PPP2R3A: variants seen among roughly 807,000 people sequenced by gnomAD.
PPP2R3A encodes the protein serine/threonine-protein phosphatase 2A regulatory subunit B'' subunit alpha.
PPP2R3A carries 80 observed loss-of-function variants against 106.9 expected under a neutral mutation model. The observed-to-expected ratio is 0.75, with a 90% confidence interval of 0.62 to 0.90. The LOEUF (loss-of-function observed/expected upper bound fraction) is 0.90. Among genes scored for constraint, PPP2R3A ranks in the 40% least tolerant of loss-of-function variants. PPP2R3A has a pLI of 0.00. For missense variants in PPP2R3A, 1,386 were observed against 1,350.4 expected, an observed-to-expected ratio of 1.03 and a Z score of -0.41; for synonymous variants, 483 against 468.3, an observed-to-expected ratio of 1.03 and a Z score of -0.41.
chr3:136,134,715 A>C (rs923975347), intron 13 of PPP2R3A, among the ~76,000 whole-genome samples: 3 of 152,180 alleles, frequency 2.0e-5, no homozygotes, highest in African/African-American at 7.2e-5. Flanking sequence ...TCATGTAATG[A>C]GCGTGTACTG....
intron 13 of PPP2R3A, among the ~76,000 whole-genome samples, chr3:136,137,895 G>T (rs940375554): frequency 1.3e-5 from 2 of 152,110 alleles, no homozygotes; most frequent in Non-Finnish European, 2.9e-5. Context: ...GGCACTATAG[G>T]TAAAGAAAGC....
At chr3:136,061,076 T>G (rs998943484) in intron 5 of PPP2R3A, among the ~76,000 whole-genome samples, 11 of 152,148 alleles carry the variant, frequency 7.2e-5, no homozygotes, top group African/African-American at 2.6e-4. Context: ...AGAATGCTGA[T>G]ACAAGAAAAA....
chr3:136,070,152 G>A (rs983791245), intron 5 of PPP2R3A, among the ~76,000 whole-genome samples: 2 of 152,018 alleles, frequency 1.3e-5, no homozygotes, highest in South Asian at 4.1e-4. Context: ...ATAATACCTC[G>A]ACAATAATCT....
At chr3:136,042,513 T>A (rs547463505) in intron 4 of PPP2R3A, among the ~76,000 whole-genome samples, 82 of 152,310 alleles carry the variant, frequency 5.4e-4, no homozygotes, top group Non-Finnish European at 4.6e-4. Context: ...AAAATTTTTT[T>A]AAAAAGAGTG....
intron 13 of PPP2R3A, among the ~76,000 whole-genome samples, chr3:136,143,672 T>G (rs925279028): frequency 6.6e-6 from 1 of 151,736 alleles, no homozygotes; most frequent in Non-Finnish European, 1.5e-5. Flanking sequence ...TGCCTGTAAA[T>G]CCCAGCTACT....
At chr3:136,108,324 C>T (rs1460822501) in intron 13 of PPP2R3A, among the ~76,000 whole-genome samples, 1 of 151,984 alleles carries the variant, frequency 6.6e-6, no homozygotes, top group Non-Finnish European at 1.5e-5. Context: ...CAGTACAGTT[C>T]CATTAAGCAT....
At chr3:136,139,985 AAC>A (rs919520134) in intron 13 of PPP2R3A, among the ~76,000 whole-genome samples, 7 of 150,030 alleles carry the variant, frequency 4.7e-5, no homozygotes, top group Admixed American at 1.3e-4. Context: ...CAGTCTGAGC[AAC>A]AGAGCGAGAC....
chr3:136,106,692 C>T (rs1165131431), intron 13 of PPP2R3A: 4 of 191,960 alleles, frequency 2.1e-5, no homozygotes, highest in Non-Finnish European at 4.2e-5. Context: ...GAGGCCGAGG[C>T]GGGTGGATAA....
At chr3:136,021,305 C>A (rs1523595) in intron 2 of PPP2R3A, among the ~76,000 whole-genome samples, 38,534 of 151,790 alleles carry the variant, frequency 0.25, 5,359 homozygotes, top group Non-Finnish European at 0.32. Context: ...AAATAAGGAA[C>A]GACTCAGGAT....
intron 7 of PPP2R3A, among the ~76,000 whole-genome samples, chr3:136,080,203 T>C (rs185858784): frequency 5.2e-4 from 79 of 152,366 alleles, no homozygotes; most frequent in Admixed American, 9.1e-4. Context: ...TCCATTCATA[T>C]AAGTCTATCT....
At chr3:136,016,110 A>G (rs1047893937) in intron 2 of PPP2R3A, among the ~76,000 whole-genome samples, 8 of 152,184 alleles carry the variant, frequency 5.3e-5, no homozygotes, top group African/African-American at 1.7e-4. Flanking sequence ...TTTAATTTCC[A>G]TGTATTTGCA....
intron 1 of PPP2R3A, among the ~76,000 whole-genome samples, chr3:135,970,707 G>C (rs916880634): frequency 1.3e-5 from 2 of 152,208 alleles, no homozygotes; most frequent in Non-Finnish European, 2.9e-5. Context: ...CCAAAAAGAG[G>C]AAGTGGTGAG....
Position 136,025,244 on chromosome 3 carries a change from G to T in PPP2R3A, c.1996-1588G>T, listed in dbSNP as rs537096904. Among the ~76,000 whole-genome samples, 4 of 152,106 alleles carry T rather than the reference G, an allele frequency of 2.6e-5. No individual in the cohort carries two copies. In the South Asian group the frequency reaches 8.3e-4, roughly 32 times the overall value. ...ACATTGTAATTTCTGTTTTATTATTGAAATTCCAAAAGGTTAAGTAACCAT... is the reference window on the plus strand; with the variant it reads ...ACATTGTAATTTCTGTTTTATTATTTAAATTCCAAAAGGTTAAGTAACCAT... On this transcript the variant is annotated intron_variant, in intron 2 of 13. Coordinates refer to ENST00000264977, the MANE Select transcript of PPP2R3A (RefSeq NM_002718.5).
At chr3:136,059,744 G>T (rs1936012728) in intron 5 of PPP2R3A, among the ~76,000 whole-genome samples, 1 of 152,130 alleles carries the variant, frequency 6.6e-6, no homozygotes, top group Non-Finnish European at 1.5e-5. Flanking sequence ...GCCCATCAAT[G>T]ATAGACCAGA....
At chr3:135,969,676 G>A (rs1460301127) in intron 1 of PPP2R3A, among the ~76,000 whole-genome samples, 1 of 152,190 alleles carries the variant, frequency 6.6e-6, no homozygotes, top group Non-Finnish European at 1.5e-5. Context: ...CAAAGCAGTA[G>A]CCTACAGCTG....
At chr3:136,067,439 G>C (rs996147566) in intron 5 of PPP2R3A, among the ~76,000 whole-genome samples, 1 of 152,176 alleles carries the variant, frequency 6.6e-6, no homozygotes, top group Non-Finnish European at 1.5e-5. Flanking sequence ...GTACCACCTT[G>C]AGAAAGTTTT....
At chr3:136,128,725 G>A (rs1938282447) in intron 13 of PPP2R3A, among the ~76,000 whole-genome samples, 1 of 152,116 alleles carries the variant, frequency 6.6e-6, no homozygotes, top group Non-Finnish European at 1.5e-5. Context: ...ATTCTTCTCA[G>A]CACCACATCA....
rs532811158 is a variant in PPP2R3A at position 136,001,461 on chromosome 3, G to A, written c.-38G>A. 7.1e-6 allele frequency: 11 copies of A among 1,542,726 alleles called. No individual in the cohort carries two copies. The South Asian group carries it at 1.2e-4, about 17-fold the overall frequency. On this transcript the variant is annotated 5_prime_UTR_variant, in exon 2 of 14. Transcript: ENST00000264977. Reference sequence around the variant, plus strand: ...GAGAATTTTCATGAAACAAGTTCTAGAAAGTTCCAAGTCCCACCAGTAAGT... The same window carrying A: ...GAGAATTTTCATGAAACAAGTTCTAAAAAGTTCCAAGTCCCACCAGTAAGT...
At chr3:135,989,013 A>G (rs1933050273) in intron 1 of PPP2R3A, among the ~76,000 whole-genome samples, 1 of 152,184 alleles carries the variant, frequency 6.6e-6, no homozygotes, top group Non-Finnish European at 1.5e-5. Flanking sequence ...CGTGGTTAAC[A>G]AAAAAGCTGA....
Sources: allele counts gnomAD v4.1 joint callset (sites outside exome capture counted in the v4.1 genomes callset), GRCh38; gene constraint gnomAD v4.1.1; transcripts MANE v1.5; gene names NCBI Gene and HGNC (gene_info 2026-07-23, HGNC 2026-07-21).